CSTF3: variants seen among roughly 807,000 people sequenced by gnomAD.
The protein encoded by CSTF3 is cleavage stimulation factor subunit 3.
A neutral mutation model predicts 105.8 loss-of-function variants in CSTF3; 29 were observed. The observed-to-expected ratio is 0.27, with a 90% CI of 0.20 to 0.37. CSTF3 has a LOEUF of 0.37. Among genes scored for constraint, CSTF3 ranks in the 10% least tolerant of loss-of-function variants. The pLI, the probability that CSTF3 is intolerant of heterozygous loss-of-function variation, is 1.00. For synonymous variants in CSTF3, 252 were observed against 281.9 expected (o/e 0.89, Z 1.06); for missense variants, 357 against 879.3 (o/e 0.41, Z 7.51).
chr11:33,126,410 A>C (rs1198880734), intron 3 of CSTF3, among the ~76,000 whole-genome samples: 1 of 151,950 alleles, frequency 6.6e-6, no homozygotes, highest in African/African-American at 2.4e-5. Flanking sequence ...AGTTCAAGCG[A>C]CCGCACTCCA....
intron 1 of CSTF3, among the ~76,000 whole-genome samples, chr11:33,150,543 T>C (rs904928032): frequency 1.6e-4 from 25 of 152,216 alleles, no homozygotes; most frequent in African/African-American, 4.8e-4. Context: ...AACACAACCA[T>C]GTACAACTGG....
chr11:33,103,071 T>C, intron 9 of CSTF3, 36 bp downstream of exon 9: 7 of 1,329,852 alleles, frequency 5.3e-6, no homozygotes, highest in African/African-American at 1.5e-5. Flanking sequence ...AACAGACTCA[T>C]AATAATCATT....
At chr11:33,112,234 A>G (rs1197553032) in intron 3 of CSTF3, among the ~76,000 whole-genome samples, 1 of 152,016 alleles carries the variant, frequency 6.6e-6, no homozygotes, top group Non-Finnish European at 1.5e-5. Context: ...AGCCTGGGTG[A>G]CAAGAGCGAA....
intron 1 of CSTF3, 67 bp from the exon 2 acceptor site, chr11:33,142,053 T>G: frequency 6.2e-7 from 1 of 1,600,318 alleles, no homozygotes; most frequent in South Asian, 1.1e-5. Context: ...ACTTAATTCA[T>G]GAACAATAAA....
Position 33,108,016 on chromosome 11 carries a change from T to C in CSTF3, c.259-16A>G. On this transcript the variant is annotated splice_polypyrimidine_tract_variant and intron_variant, in intron 4 of 20. Transcript: ENST00000323959. Reference sequence around the variant, plus strand: ...TCTGAAATAGCTTTAAATACAAGAATATATTATCAGAATCCAGTTAAATAA... The same window carrying C: ...TCTGAAATAGCTTTAAATACAAGAACATATTATCAGAATCCAGTTAAATAA... The C allele has an allele frequency of 3.4e-6, 5 of 1,482,442 alleles. No individual in the cohort carries two copies. Among genetic ancestry groups the C allele is most frequent in the Non-Finnish European group, 4.6e-6 (5 of 1,076,950 alleles). 91.8% of individuals were successfully genotyped at this position (1,482,442 alleles called of 1,614,324 possible). A position where few individuals can be genotyped will look rare whatever the true frequency, so the allele number is the denominator to read the frequency against.
intron 3 of CSTF3, chr11:33,141,431 T>C: frequency 3.9e-6 from 5 of 1,272,082 alleles, no homozygotes; most frequent in South Asian, 3.2e-5. Context: ...AGCACTCCAA[T>C]ACCATTGAAA....
At chr11:33,133,771 C>T (rs1241370215) in intron 3 of CSTF3, among the ~76,000 whole-genome samples, 3 of 152,156 alleles carry the variant, frequency 2.0e-5, no homozygotes, top group African/African-American at 7.2e-5. Flanking sequence ...GATCACGCCA[C>T]TGCACTCAAG....
In CSTF3 at chr11:33,106,072, GA is replaced by G; in HGVS notation, c.357-9del. ...GCTTGAGCCATTTTTTCTCTGAAAT[GA>G]ACATGAAAGACGTGGTTTTTAAATT... On this transcript the variant is annotated splice_polypyrimidine_tract_variant and intron_variant, in intron 5 of 20. Transcript: ENST00000323959. The G allele has an allele frequency of 1.2e-6, 2 of 1,606,396 alleles. No homozygotes were observed. Among genetic ancestry groups the G allele is most frequent in the Middle Eastern group, 1.7e-4 (1 of 6,036 alleles).
At chr11:33,119,058 C>CT (rs55762945) in intron 3 of CSTF3, among the ~76,000 whole-genome samples, 31,290 of 151,290 alleles carry the variant, frequency 0.21, 3,847 homozygotes, top group East Asian at 0.35. Context: ...AGTCACATGA[C>CT]TTTTTTTTAA....
At position 33,093,288 on chromosome 11, in the gene CSTF3, T is replaced by C. The variant is rs564618861; in HGVS notation, c.1376-948A>G. On this transcript the variant is annotated intron_variant, in intron 15 of 20. Transcript: ENST00000323959. The stretch of plus-strand genomic sequence containing the variant: ...AAAAAATGTTAAACAAATCTTACAT[T>C]TTATCTTTTTCTGTTTTATCCCAAG... Among the ~76,000 whole-genome samples the C allele has an allele frequency of 6.7e-4, 102 of 152,314 alleles. 1 individual carries two copies. Among genetic ancestry groups the C allele is most frequent in the Middle Eastern group, 3.4e-3 (1 of 294 alleles).
intron 17 of CSTF3, 130 bp downstream of exon 17, chr11:33,090,402 T>C: frequency 1.8e-6 from 1 of 548,236 alleles, no homozygotes; most frequent in Non-Finnish European, 2.9e-6. Flanking sequence ...TTTGAACTTT[T>C]TTCTTGCTTC....
At chr11:33,144,882 G>C (rs557569318) in intron 1 of CSTF3, 1 of 252,768 alleles carries the variant, frequency 4.0e-6, no homozygotes, top group Non-Finnish European at 8.0e-6. Context: ...GGGAAGCTGC[G>C]GTGGGATCGC....
intron 3 of CSTF3, among the ~76,000 whole-genome samples, chr11:33,135,120 T>C (rs1222800249): frequency 6.6e-6 from 1 of 152,184 alleles, no homozygotes; most frequent in Non-Finnish European, 1.5e-5. Flanking sequence ...CATGTGACTG[T>C]CTTTTTTAAA....
intron 1 of CSTF3, among the ~76,000 whole-genome samples, chr11:33,153,160 T>C (rs1265273922): frequency 6.6e-6 from 1 of 152,086 alleles, no homozygotes; most frequent in Non-Finnish European, 1.5e-5. Flanking sequence ...ATTTTCATGA[T>C]CTTTTAAATG....
chr11:33,111,220 T>C (rs1438288344), intron 3 of CSTF3, among the ~76,000 whole-genome samples: 1 of 152,060 alleles, frequency 6.6e-6, no homozygotes, highest in East Asian at 1.9e-4. Flanking sequence ...AGAGACTCCA[T>C]CTAAAAAAAT....
chr11:33,110,858 G>A (rs1014717727), intron 3 of CSTF3, among the ~76,000 whole-genome samples: 6 of 151,972 alleles, frequency 3.9e-5, no homozygotes, highest in African/African-American at 1.5e-4. Flanking sequence ...TTTTTGAAAA[G>A]CCATTAGTAA....
chr11:33,128,030 A>T (rs755917099), intron 3 of CSTF3, among the ~76,000 whole-genome samples: 1 of 152,212 alleles, frequency 6.6e-6, no homozygotes, highest in Non-Finnish European at 1.5e-5. Context: ...TCTGTACAAA[A>T]TAAGTCAATT....
intron 1 of CSTF3, among the ~76,000 whole-genome samples, chr11:33,160,638 TTTAG>T (rs1849928278): frequency 6.6e-6 from 1 of 152,254 alleles, no homozygotes; most frequent in Non-Finnish European, 1.5e-5. Context: ...TTTTAAAATA[TTTAG>T]TTGTCACTCA....
chr11:33,117,952 G>A (rs1032715635), intron 3 of CSTF3, among the ~76,000 whole-genome samples: 1 of 151,784 alleles, frequency 6.6e-6, no homozygotes, highest in Non-Finnish European at 1.5e-5. Flanking sequence ...TTCACTGGAA[G>A]GATTGAGACA....
Sources: gnomAD v4.1 joint callset for allele counts (sites outside exome capture counted in the v4.1 genomes callset) on GRCh38, gnomAD v4.1.1 for gene constraint, MANE v1.5 for transcripts, NCBI Gene and HGNC (gene_info 2026-07-23, HGNC 2026-07-21) for gene names.